IGSF1: variants seen among roughly 807,000 people sequenced by gnomAD.
IGSF1 encodes immunoglobulin superfamily member 1, also known as immunoglobulin-like domain-containing protein 1.
In IGSF1, 40 loss-of-function variants were observed where a neutral mutation model predicts 95.3. That is an observed-to-expected ratio of 0.42 (90% CI 0.33 to 0.55). The LOEUF (loss-of-function observed/expected upper bound fraction) is 0.55. Among genes scored for constraint, IGSF1 ranks in the 20% least tolerant of loss-of-function variants. The pLI, the probability that IGSF1 is intolerant of heterozygous loss-of-function variation, is 0.10. For missense variants in IGSF1, 906 were observed against 1,025.4 expected (o/e 0.88, Z 1.59); for synonymous variants, 372 against 382.9 (o/e 0.97, Z 0.33).
Position 131,281,754 on chromosome X carries a change from T to C in IGSF1, c.1437A>G (p.Thr479=). ...FIISNVDGKG[T]GTYSCSYRVE... is the part of the protein sequence containing the mutation. ...CGCGATAGCTGCAACTGTAGGTCCC[T>C]GTGCCTTTCCCGTCAACATTACTGA... Residue 479 remains threonine, a synonymous_variant, in exon 8 of 20, where the codon ACA becomes ACG. Transcript: ENST00000361420. 8.3e-7 allele frequency: 1 copy of C among 1,210,925 alleles called. No homozygotes were observed. Among genetic ancestry groups the C allele is most frequent in the Non-Finnish European group, 1.1e-6 (1 of 894,493 alleles).
intron 18 of IGSF1, 110 bp downstream of exon 18, chrX:131,274,489 T>G: frequency 1.2e-6 from 1 of 839,299 alleles, no homozygotes; most frequent in Non-Finnish European, 1.7e-6. Flanking sequence ...ACACTTCAGG[T>G]CCCTGGCTCC....
chrX:131,276,817 C>A, intron 14 of IGSF1, 122 bp downstream of exon 14: 1 of 669,024 alleles, frequency 1.5e-6, no homozygotes, highest in Non-Finnish European at 2.3e-6. Flanking sequence ...TATGGGCCAG[C>A]CGCTGTCCTA....
intron 9 of IGSF1, 96 bp from the exon 10 acceptor site, chrX:131,279,437 C>T (rs2124103067): frequency 1.5e-6 from 1 of 664,728 alleles, no homozygotes; most frequent in Non-Finnish European, 2.5e-6. Context: ...TTACTCGCTA[C>T]CCAATGGGGA....
At chrX:131,286,946 G>A (rs2080649013) in intron 1 of IGSF1, among the ~76,000 whole-genome samples, 1 of 110,309 alleles carries the variant, frequency 9.1e-6, no homozygotes, top group Middle Eastern at 4.7e-3. Flanking sequence ...AAAGATGTCA[G>A]ATTTGTTGAA....
chrX:131,278,280 C>T (rs949692026), intron 12 of IGSF1, 146 bp from the exon 13 acceptor site: 64 of 692,149 alleles, frequency 9.2e-5, no homozygotes, highest in Middle Eastern at 5.0e-4. Context: ...CTCTCTTTCC[C>T]ATTCCGCCCC....
intron 3 of IGSF1, 145 bp downstream of exon 3, chrX:131,286,292 A>G (rs1426226526): frequency 1.8e-6 from 1 of 556,044 alleles, no homozygotes; most frequent in Non-Finnish European, 3.0e-6. Flanking sequence ...CTTTTTCACC[A>G]TGCCATAGGA....
intron 16 of IGSF1, 30 bp from the exon 17 acceptor site, chrX:131,275,316 A>G: frequency 1.7e-6 from 2 of 1,195,963 alleles, no homozygotes; most frequent in Non-Finnish European, 2.3e-6. Context: ...GGTCAAAGAG[A>G]AGAGGTCACT....
At chrX:131,278,939 C>T (rs1211984638) in intron 11 of IGSF1, among the ~76,000 whole-genome samples, 188 bp from the exon 12 acceptor site, 1 of 111,240 alleles carries the variant, frequency 9.0e-6, no homozygotes, top group Non-Finnish European at 1.9e-5. Context: ...AGCTGAGCCT[C>T]AGAAAAGTGC....
chrX:131,283,359 T>A, intron 5 of IGSF1, 95 bp from the exon 6 acceptor site: 1 of 752,262 alleles, frequency 1.3e-6, no homozygotes, highest in Non-Finnish European at 1.9e-6. Context: ...CAAGAAGTGG[T>A]AGCTGAAGTT....
chrX:131,288,681 T>C (rs1156842061), intron 1 of IGSF1, among the ~76,000 whole-genome samples: 1 of 111,021 alleles, frequency 9.0e-6, no homozygotes, highest in African/African-American at 3.3e-5. Flanking sequence ...TGATGAATCT[T>C]ATACCGGGGG....
chrX:131,285,905 G>A lies in IGSF1; in HGVS notation c.241C>T (p.Arg81Cys), dbSNP rs780847353. 27 of 1,211,509 alleles carry A rather than the reference G, an allele frequency of 2.2e-5. No individual in the cohort carries two copies. Among genetic ancestry groups the A allele is most frequent in the Non-Finnish European group, 2.6e-5 (23 of 895,390 alleles). The change falls in exon 4 of 20, where the codon CGC becomes TGC. Residue 81 changes from arginine (R) to cysteine (C), a missense_variant. Physicochemically the swap from Arg to Cys is radical, Grantham distance 180. Transcript: ENST00000361420. Reference protein sequence around the residue: ...LKDKTQMTWIRPSHKTFQVSF... With the variant: ...LKDKTQMTWICPSHKTFQVSF... The stretch of plus-strand genomic sequence containing the variant: ...ACTTGGAAGGTCTTGTGGGAAGGGC[G>A]GATCCAGGTCATCTGTGTCTTATCC...
chrX:131,277,508 G>T, intron 13 of IGSF1: 1 of 372,609 alleles, frequency 2.7e-6, no homozygotes, highest in Non-Finnish European at 4.6e-6. Flanking sequence ...TTGGGGTTCT[G>T]CTGATTCTCT....
Position 131,282,052 on chromosome X carries a change from C to T in IGSF1, c.1247-108G>A, listed in dbSNP as rs897324780. Reference sequence around the variant, plus strand: ...TTTGATCTTCTCTTCCTTTCCACTTCCACTTGGCCAGTGGCTTCAAGATTT... The same window carrying T: ...TTTGATCTTCTCTTCCTTTCCACTTTCACTTGGCCAGTGGCTTCAAGATTT... On this transcript the variant is annotated intron_variant, in intron 7 of 19. Transcript: ENST00000361420. 11 of 730,183 alleles carry T rather than the reference C, an allele frequency of 1.5e-5. No individual in the cohort carries two copies. The African/African-American group carries it at 2.2e-4, about 14-fold the overall frequency. 60.2% of individuals were successfully genotyped at this position (730,183 alleles called of 1,213,427 possible).
Position 131,285,302 on chromosome X carries a change from C to A in IGSF1, c.544G>T (p.Ala182Ser). Residue 182 changes from alanine to serine, a missense_variant, in exon 5 of 20, where the codon GCC becomes TCC. By Grantham distance (99) the Ala-to-Ser change is moderately conservative (BLOSUM62 1). Transcript: ENST00000361420. The stretch of plus-strand genomic sequence containing the variant: ...GTCAGGTTGTCAATGGAGAATATGG[C>A]CATTGTCCCAGTTGGGACTTGGTAA... The part of the protein sequence containing the change: ...VDYQVPTGTM[A>S]IFSIDNLTPE... 1 of 1,210,346 alleles carries A rather than the reference C, an allele frequency of 8.3e-7. No homozygotes were observed. Among genetic ancestry groups the A allele is most frequent in the Non-Finnish European group, 1.1e-6 (1 of 894,182 alleles).
Position 131,282,998 on chromosome X carries a change from G to T in IGSF1, c.934C>A (p.Leu312Met). ...CTCTTACCAGTCACCCAGATTTTCA[G>T]GACATCACTAAGGAGTGAACCTCTA... Reference protein sequence around the residue: ...SYRGSLLSDVLKIWVTDTFPK... With the variant: ...SYRGSLLSDVMKIWVTDTFPK... The change falls in exon 6 of 20, where the codon CTG (leucine) becomes ATG (methionine). Residue 312 changes from leucine to methionine, a missense_variant. Leu to Met is a conservative substitution (Grantham distance 15). Coordinates refer to ENST00000361420, the MANE Select transcript of IGSF1 (RefSeq NM_001555.5). 1 of 1,203,795 alleles carries T rather than the reference G, an allele frequency of 8.3e-7. No individual in the cohort carries two copies.
In IGSF1 at chrX:131,278,614, C is replaced by G. The variant is rs747346183; in HGVS notation, c.1888G>C (p.Gly630Arg). 8.3e-7 allele frequency: 1 copy of G among 1,211,626 alleles called. No individual in the cohort carries two copies. Among genetic ancestry groups the G allele is most frequent in the African/African-American group, 1.7e-5 (1 of 57,792 alleles). Residue 630 changes from glycine to arginine, a missense_variant, in exon 12 of 20, where the codon GGG (glycine) becomes CGG (arginine). Coordinates refer to ENST00000361420, the MANE Select transcript of IGSF1 (RefSeq NM_001555.5). ...KEFVLLKDGT[G>R]WIATRPASEQ... The stretch of plus-strand genomic sequence containing the variant: ...GAGGCCGGGCGAGTGGCGATCCACC[C>G]GGTCCCATCCTTCAGCAACACAAAC...
In IGSF1 at chrX:131,282,640, C is replaced by T; in HGVS notation, c.1050G>A (p.Val350=). 1.7e-6 allele frequency: 2 copies of T among 1,208,823 alleles called. No individual in the cohort carries two copies. The highest frequency in any genetic ancestry group is 2.2e-6 in the Non-Finnish European group (2 of 893,028). The change falls in exon 7 of 20, where the codon GTG becomes GTA. Residue 350 remains valine, a synonymous_variant. Transcript: ENST00000361420. ...SLRCRGPVDG[V]GLALYKKGED... Reference sequence around the variant, plus strand: ...CTCCTTTCTTATAGAGTGCAAGACCCACTCCATCCACTGGTCCTCGACACC... The same window carrying T: ...CTCCTTTCTTATAGAGTGCAAGACCTACTCCATCCACTGGTCCTCGACACC...
At position 131,278,084 on chromosome X, in the gene IGSF1, C is replaced by T; in HGVS notation, c.2092G>A (p.Glu698Lys). ...ISASPTIRGQ[E>K]LQLRCKGWLA... ...CATCCTTTGCACCGGAGTTGTAGTT[C>T]CTGGCCCCGGATTGTGGGGGAAGCA... The change falls in exon 13 of 20, where the codon GAA (glutamate) becomes AAA (lysine). Residue 698 changes from glutamate to lysine, a missense_variant. Around this residue, in one of 5 missense-constraint regions of IGSF1, gnomAD observed 411 missense variants for 494.9 expected, o/e 0.83. Transcript: ENST00000361420. 1 of 1,211,149 alleles carries T rather than the reference C, an allele frequency of 8.3e-7. No homozygotes were observed. The highest frequency in any genetic ancestry group is 1.1e-6 in the Non-Finnish European group (1 of 894,942).
chrX:131,282,666 G>A lies in IGSF1; in HGVS notation c.1024C>T (p.Arg342Trp), dbSNP rs751927434. 2.3e-5 allele frequency: 28 copies of A among 1,207,973 alleles called. No individual in the cohort carries two copies. The highest frequency in any genetic ancestry group is 1.8e-4 in the East Asian group (6 of 33,751). The change falls in exon 7 of 20, where the codon CGG (arginine) becomes TGG (tryptophan). Residue 342 changes from arginine to tryptophan, a missense_variant. Arg to Trp is a moderately radical substitution (Grantham distance 101, BLOSUM62 -3). This residue lies in a region of IGSF1 where 442 missense variants were observed against 448.1 expected (regional missense o/e 0.99). Coordinates refer to ENST00000361420, the MANE Select transcript of IGSF1 (RefSeq NM_001555.5). ...VVQMGQNVSL[R>W]CRGPVDGVGL... is the part of the protein sequence containing the mutation. ...ACTCCATCCACTGGTCCTCGACACC[G>A]TAGGCTCACATTCTGACCCATTTGG...
Sources: allele counts gnomAD v4.1 joint callset (sites outside exome capture counted in the v4.1 genomes callset), GRCh38; gene constraint gnomAD v4.1.1; regional missense constraint gnomAD v4.1.1; transcripts MANE v1.5; gene names NCBI Gene and HGNC (gene_info 2026-07-23, HGNC 2026-07-21).